Variants in SLC8A3 observed in about 807,000 individuals in gnomAD.
SLC8A3 encodes the protein solute carrier family 8 member A3, also known as sodium/calcium exchanger 3.
In SLC8A3, 37 loss-of-function variants were observed where a neutral mutation model predicts 65.4. The observed-to-expected ratio is 0.57, with a 90% CI of 0.44 to 0.74. SLC8A3 has a LOEUF of 0.74. Among genes scored for constraint, SLC8A3 ranks in the 30% least tolerant of loss-of-function variants. The pLI is 0.00. For missense variants in SLC8A3, 1,112 were observed against 1,172.1 expected (o/e 0.95, Z 0.75); for synonymous variants, 461 against 444.5 (o/e 1.04, Z -0.47).
intron 5 of SLC8A3, among the ~76,000 whole-genome samples, chr14:70,050,440 G>A (rs1422968841): frequency 3.3e-5 from 5 of 152,170 alleles, no homozygotes; most frequent in African/African-American, 1.2e-4. Flanking sequence ...TTCCGTCCCT[G>A]TTCCAACCAG....
At position 70,062,799 on chromosome 14, in the gene SLC8A3, G is replaced by C. The variant is rs192711971; in HGVS notation, c.1785-1860C>G. ...AATATTTCTGTTGGCCCTAGATATG[G>C]GACCCCAGGGCTGTCTACAAGGTGT... On this transcript the variant is annotated intron_variant, in intron 2 of 6. Coordinates refer to ENST00000356921, the MANE Select transcript of SLC8A3 (RefSeq NM_182932.3). Among the ~76,000 whole-genome samples, 230 of 152,276 alleles carry C rather than the reference G, an allele frequency of 1.5e-3. 1 individual carries two copies. The highest frequency in any genetic ancestry group is 5.4e-3 in the African/African-American group (223 of 41,554).
At chr14:70,149,482 T>C (rs1246047499) in intron 2 of SLC8A3, among the ~76,000 whole-genome samples, 1 of 152,132 alleles carries the variant, frequency 6.6e-6, no homozygotes, top group South Asian at 2.1e-4. Context: ...CCCAGAGATA[T>C]GGTTCCACTC....
chr14:70,066,634 A>G (rs1889460417), intron 2 of SLC8A3, among the ~76,000 whole-genome samples: 1 of 152,158 alleles, frequency 6.6e-6, no homozygotes, highest in African/African-American at 2.4e-5. Context: ...AACATGGGGA[A>G]ACTCTGTCTC....
At chr14:70,059,058 T>C (rs914832193) in intron 3 of SLC8A3, 6 of 152,240 alleles carry the variant, frequency 3.9e-5, no homozygotes, top group Non-Finnish European at 8.8e-5. Context: ...CCAGAGATAA[T>C]TTCTTTCTTC....
At chr14:70,087,734 T>A (rs1891532188) in intron 2 of SLC8A3, among the ~76,000 whole-genome samples, 1 of 152,240 alleles carries the variant, frequency 6.6e-6, no homozygotes, top group African/African-American at 2.4e-5. Flanking sequence ...CTCTCATATG[T>A]TTCTGCTTCA....
intron 2 of SLC8A3, among the ~76,000 whole-genome samples, chr14:70,162,567 A>G (rs1179719155): frequency 6.6e-6 from 1 of 152,212 alleles, no homozygotes; most frequent in Non-Finnish European, 1.5e-5. Flanking sequence ...TCCCAGAGGC[A>G]TCAAAGGTCC....
intron 2 of SLC8A3, among the ~76,000 whole-genome samples, chr14:70,157,957 G>A (rs528680555): frequency 4.5e-4 from 68 of 152,302 alleles, no homozygotes; most frequent in African/African-American, 1.6e-3. Flanking sequence ...TCATAGATCA[G>A]AGAATAGACT....
intron 3 of SLC8A3, among the ~76,000 whole-genome samples, chr14:70,054,402 G>C (rs570983748): frequency 6.6e-5 from 10 of 152,136 alleles, no homozygotes; most frequent in South Asian, 2.1e-4. Flanking sequence ...AAAGAGCTAG[G>C]AAAAGAAACA....
intron 2 of SLC8A3, among the ~76,000 whole-genome samples, chr14:70,087,380 C>T (rs1285090236): frequency 6.6e-6 from 1 of 152,152 alleles, no homozygotes; most frequent in Non-Finnish European, 1.5e-5. Context: ...GAACATTGGC[C>T]GCTGATGTAC....
intron 2 of SLC8A3, among the ~76,000 whole-genome samples, chr14:70,070,979 G>A (rs1889954081): frequency 6.6e-6 from 1 of 152,198 alleles, no homozygotes; most frequent in Non-Finnish European, 1.5e-5. Flanking sequence ...GAGATGGTAG[G>A]AGTCTGCTCT....
chr14:70,098,897 G>T (rs1237550904), intron 2 of SLC8A3, among the ~76,000 whole-genome samples: 1 of 152,226 alleles, frequency 6.6e-6, no homozygotes. Flanking sequence ...CAGATGTGAT[G>T]ATTTCTATCC....
intron 2 of SLC8A3, among the ~76,000 whole-genome samples, chr14:70,161,398 C>T (rs1896887267): frequency 6.6e-6 from 1 of 150,478 alleles, no homozygotes; most frequent in Admixed American, 6.6e-5. Flanking sequence ...AAATGCCTCA[C>T]TGTACTGCTA....
chr14:70,162,141 C>A (rs1896932788), intron 2 of SLC8A3, among the ~76,000 whole-genome samples: 1 of 152,126 alleles, frequency 6.6e-6, no homozygotes, highest in African/African-American at 2.4e-5. Context: ...CATAATACTC[C>A]CGGACTCACA....
chr14:70,062,140 A>C (rs1888872244), intron 2 of SLC8A3, among the ~76,000 whole-genome samples: 1 of 612 alleles, frequency 1.6e-3, no homozygotes, highest in Admixed American at 0.013. Context: ...GGGGGAGGGG[A>C]GGCTAAGAAC....
chr14:70,174,902 G>A lies in SLC8A3; in HGVS notation c.-62-6418C>T, dbSNP rs956668668. On this transcript the variant is annotated intron_variant, in intron 1 of 6. Coordinates refer to ENST00000356921, the MANE Select transcript of SLC8A3 (RefSeq NM_182932.3). ...GCTCTACGGATGCCTCAACCCGTGT[G>A]GGCAGTGGCTGCACTGCAGCAGGGC... Among the ~76,000 whole-genome samples the A allele has an allele frequency of 4.0e-4, 61 of 152,122 alleles. 1 individual carries two copies. The highest frequency in any genetic ancestry group is 8.8e-5 in the Non-Finnish European group (6 of 68,038).
intron 3 of SLC8A3, 60 bp from the exon 4 acceptor site, chr14:70,052,174 G>C (rs1298436363): frequency 6.5e-7 from 1 of 1,532,744 alleles, no homozygotes; most frequent in Non-Finnish European, 8.7e-7. Context: ...GAAGGATACA[G>C]CTCAGAGTAT....
intron 1 of SLC8A3, among the ~76,000 whole-genome samples, chr14:70,173,090 G>C (rs1173008616): frequency 6.6e-6 from 1 of 152,204 alleles, no homozygotes; most frequent in Non-Finnish European, 1.5e-5. Flanking sequence ...TAGATGCCAA[G>C]CTGAGAAGAC....
chr14:70,114,114 G>T (rs1893494017), intron 2 of SLC8A3, among the ~76,000 whole-genome samples: 1 of 152,166 alleles, frequency 6.6e-6, no homozygotes, highest in Non-Finnish European at 1.5e-5. Context: ...ACTTAGATGG[G>T]CCTGCAAGGT....
rs987223199 is a variant in SLC8A3, at chr14:70,044,708, T to C, written c.*1239A>G. On this transcript the variant is annotated 3_prime_UTR_variant, in exon 7 of 7. Coordinates refer to ENST00000356921, the MANE Select transcript of SLC8A3 (RefSeq NM_182932.3). ...CCAGTTCCTATCTTGTAAAAATGCT[T>C]TCATATGTGACCTGAGGGACCAGGA... The C allele has an allele frequency of 6.6e-6, 1 of 152,142 alleles. No homozygotes were observed. Among genetic ancestry groups the C allele is most frequent in the Non-Finnish European group, 1.5e-5 (1 of 68,030 alleles). 9.4% of individuals were successfully genotyped at this position (152,142 alleles called of 1,614,324 possible).
Sources: gnomAD v4.1 joint callset for allele counts (sites outside exome capture counted in the v4.1 genomes callset) on GRCh38, gnomAD v4.1.1 for gene constraint, MANE v1.5 for transcripts, NCBI Gene and HGNC (gene_info 2026-07-23, HGNC 2026-07-21) for gene names.